The following XPO6 variants were observed in gnomAD, a reference collection of about 807,000 sequenced individuals.
XPO6 encodes the protein exportin 6, also known as exportin-6.
XPO6 carries 3 observed loss-of-function variants against 130.0 expected under a neutral mutation model. The ratio of observed to expected loss-of-function variants is 0.02; its 90% CI spans 0.01 to 0.06. The LOEUF is 0.06. Ranked by LOEUF, XPO6 falls within the 10% of genes least tolerant of loss-of-function variation. XPO6 has a pLI of 1.00. For synonymous variants in XPO6, 524 were observed against 548.9 expected, an observed-to-expected ratio of 0.95 and a Z score of 0.63; for missense variants, 970 against 1,393.0, an observed-to-expected ratio of 0.70 and a Z score of 4.83.
At chr16:28,146,541 A>T (rs569113847) in intron 8 of XPO6, among the ~76,000 whole-genome samples, 9 of 152,360 alleles carry the variant, frequency 5.9e-5, no homozygotes, top group African/African-American at 2.2e-4. Context: ...TCCAGAGAGA[A>T]ATCGAGATTC....
rs36000498 is a variant in XPO6 at position 28,171,452 on chromosome 16, C to CAA, written c.406-1545_406-1544dup. On this transcript the variant is annotated intron_variant, in intron 4 of 23. Coordinates refer to ENST00000304658, the MANE Select transcript of XPO6 (RefSeq NM_015171.4). Reference sequence around the variant, plus strand: ...TGGGCAAGAGAGCAAGACTCTGTCTCAAAAAAAAAAAAAAAAAAAAAGAAA... The same window carrying CAA: ...TGGGCAAGAGAGCAAGACTCTGTCTCAAAAAAAAAAAAAAAAAAAAAAAGAAA... Among the ~76,000 whole-genome samples, 135 of 99,078 alleles carry CAA rather than the reference C, an allele frequency of 1.4e-3. 1 individual carries two copies. Among genetic ancestry groups the CAA allele is most frequent in the African/African-American group, 4.5e-3 (112 of 24,664 alleles). 65.0% of individuals were successfully genotyped at this position (99,078 alleles called of 152,430 possible). A position where few individuals can be genotyped will look rare whatever the true frequency, so the allele number is the denominator to read the frequency against.
At chr16:28,109,864 A>G (rs2086875915) in intron 17 of XPO6, among the ~76,000 whole-genome samples, 1 of 152,246 alleles carries the variant, frequency 6.6e-6, no homozygotes, top group Admixed American at 6.5e-5. Flanking sequence ...CTATATAGAT[A>G]CAAAGGTTAA....
chr16:28,158,988 G>C (rs935454641), intron 6 of XPO6, among the ~76,000 whole-genome samples: 1 of 152,108 alleles, frequency 6.6e-6, no homozygotes, highest in Non-Finnish European at 1.5e-5. Flanking sequence ...CCAGCATTTC[G>C]GTAGGCTGAG....
At chr16:28,181,836 C>A (rs1288127240) in intron 1 of XPO6, among the ~76,000 whole-genome samples, 1 of 152,168 alleles carries the variant, frequency 6.6e-6, no homozygotes, top group Non-Finnish European at 1.5e-5. Context: ...ACAGTGAGAG[C>A]CAGACTCTCA....
chr16:28,139,231 T>A lies in XPO6; in HGVS notation c.1335-3907A>T, dbSNP rs2042839643. Among the ~76,000 whole-genome samples, 4 of 152,312 alleles carry A rather than the reference T, an allele frequency of 2.6e-5. No homozygotes were observed. In the South Asian group the frequency reaches 8.3e-4, roughly 32 times the overall value. The stretch of plus-strand genomic sequence containing the variant: ...GGTTCTCTCCCTCCCTTTCCTCACA[T>A]GCACACAAGAAAGGCCACGTGAGCA... On this transcript the variant is annotated intron_variant, in intron 9 of 23. Transcript: ENST00000304658.
Position 28,157,912 on chromosome 16 carries a change from G to A in XPO6, c.644-1385C>T, listed in dbSNP as rs114683083. Among the ~76,000 whole-genome samples, 726 of 152,280 alleles carry A rather than the reference G, an allele frequency of 4.8e-3. 3 individuals carry two copies. Among genetic ancestry groups the A allele is most frequent in the African/African-American group, 0.017 (701 of 41,560 alleles). On this transcript the variant is annotated intron_variant, in intron 6 of 23. Transcript: ENST00000304658. ...ACCATTCTCCTGGTATGCTCCCAAA[G>A]CAACCCTCACACGGGTCCATGAAGG...
intron 4 of XPO6, among the ~76,000 whole-genome samples, chr16:28,172,293 G>C (rs367900354): frequency 2.6e-5 from 4 of 152,314 alleles, no homozygotes; most frequent in Admixed American, 2.6e-4. Context: ...CTGTAACATA[G>C]GTAATCTCTG....
intron 16 of XPO6, 66 bp downstream of exon 16, chr16:28,112,838 T>G (rs2086959693): frequency 4.5e-6 from 7 of 1,554,200 alleles, no homozygotes; most frequent in Non-Finnish European, 6.1e-6. Flanking sequence ...CAGACTCTTC[T>G]TCCTCAGCTT....
In XPO6 at chr16:28,186,478, T is replaced by A. The variant is rs1238378565; in HGVS notation, c.4-5447A>T. On this transcript the variant is annotated intron_variant, in intron 1 of 23. Transcript: ENST00000304658. ...GCCTCAAACTCCTTGGCTCAAGCAA[T>A]CCTCCTGCCTCAGCTTCAAATAGCT... 4.3e-5 allele frequency among the ~76,000 whole-genome samples: 6 copies of A among 139,174 alleles called. No homozygotes were observed. In the Admixed American group the frequency reaches 4.7e-4, roughly 11 times the overall value. 91.3% of individuals were successfully genotyped at this position (139,174 alleles called of 152,430 possible). A position where few individuals can be genotyped will look rare whatever the true frequency, so the allele number is the denominator to read the frequency against.
At chr16:28,179,803 G>GTTC (rs1430734649) in intron 2 of XPO6, among the ~76,000 whole-genome samples, 1 of 152,140 alleles carries the variant, frequency 6.6e-6, no homozygotes, top group Non-Finnish European at 1.5e-5. Flanking sequence ...TAGGTACAAA[G>GTTC]AGAACTGAAC....
chr16:28,108,053 G>C (rs2086825875), intron 17 of XPO6, among the ~76,000 whole-genome samples: 1 of 152,078 alleles, frequency 6.6e-6, no homozygotes, highest in African/African-American at 2.4e-5. Context: ...AAAAGATGGT[G>C]AATAGACTGG....
At chr16:28,148,620 G>A (rs2043026534) in intron 8 of XPO6, among the ~76,000 whole-genome samples, 1 of 152,182 alleles carries the variant, frequency 6.6e-6, no homozygotes, top group African/African-American at 2.4e-5. Flanking sequence ...ATCTTCATAA[G>A]TCTTGGAAAG....
At chr16:28,105,583 A>G (rs1037926035) in intron 20 of XPO6, 1 of 156,018 alleles carries the variant, frequency 6.4e-6, no homozygotes, top group Non-Finnish European at 1.4e-5. Context: ...AATTAAATCT[A>G]TACTTATTCC....
chr16:28,199,048 G>A (rs770797261), intron 1 of XPO6, among the ~76,000 whole-genome samples: 2 of 152,168 alleles, frequency 1.3e-5, no homozygotes, highest in African/African-American at 4.8e-5. Flanking sequence ...GCTAAGGCAG[G>A]AGAATCGCTT....
Position 28,106,610 on chromosome 16 carries a change from C to A in XPO6, c.2498-113G>T, listed in dbSNP as rs1014594045. ...CACTATCAGCTTTCTCTACAGCTTC[C>A]TGCTGGAAACATTTCCCCAACACCA... On this transcript the variant is annotated intron_variant, in intron 18 of 23. Transcript: ENST00000304658. This position sits in a 1 kb window ranked among gnomAD's most constrained non-coding sequence, Gnocchi z 4.2. The A allele has an allele frequency of 9.0e-6, 7 of 777,348 alleles. No individual in the cohort carries two copies. The highest frequency in any genetic ancestry group is 1.5e-5 in the Non-Finnish European group (7 of 467,110). The allele number at this position is 777,348 out of a possible 1,614,324, so 48.2% of individuals were successfully genotyped here. A position where few individuals can be genotyped will look rare whatever the true frequency, so the allele number is the denominator to read the frequency against.
At chr16:28,157,529 C>A (rs569887549) in intron 6 of XPO6, among the ~76,000 whole-genome samples, 5 of 152,256 alleles carry the variant, frequency 3.3e-5, no homozygotes, top group Admixed American at 2.6e-4. Context: ...ACCAGGCAGA[C>A]AACAGACTGT....
chr16:28,117,180 A>C (rs566727865), intron 15 of XPO6, 138 bp downstream of exon 15: 1 of 1,192,988 alleles, frequency 8.4e-7, no homozygotes, highest in African/African-American at 1.5e-5. Context: ...AGGAACATGA[A>C]ATAAAACAGA....
At chr16:28,194,258 A>T (rs1416080262) in intron 1 of XPO6, among the ~76,000 whole-genome samples, 1 of 152,192 alleles carries the variant, frequency 6.6e-6, no homozygotes, top group Admixed American at 6.5e-5. Context: ...TAAAAATCCT[A>T]CATAAAAAAT....
intron 14 of XPO6, among the ~76,000 whole-genome samples, chr16:28,119,253 A>G (rs2087162566): frequency 6.6e-6 from 1 of 150,796 alleles, no homozygotes; most frequent in Non-Finnish European, 1.5e-5. Flanking sequence ...TCCTGGGCTC[A>G]AGCGATCTTC....
Sources: gnomAD v4.1 joint callset for allele counts (sites outside exome capture counted in the v4.1 genomes callset) on GRCh38, gnomAD v4.1.1 for gene constraint, Gnocchi (gnomAD v3.1) non-coding constraint, MANE v1.5 for transcripts, NCBI Gene and HGNC (gene_info 2026-07-23, HGNC 2026-07-21) for gene names.